The following CYP7B1 variants were observed in gnomAD, a reference collection of about 807,000 sequenced individuals.
CYP7B1 encodes cytochrome P450 7B1.
Under a neutral mutation model 42.7 loss-of-function variants are expected in CYP7B1, and 29 were observed. The observed-to-expected ratio is 0.68, with a 90% CI of 0.51 to 0.93. CYP7B1 has a LOEUF of 0.93. Ranked by LOEUF, CYP7B1 falls within the 40% of genes least tolerant of loss-of-function variation. The pLI is 0.00. For synonymous variants in CYP7B1, 235 were observed against 218.2 expected (o/e 1.08, Z -0.68); for missense variants, 655 against 600.5 (o/e 1.09, Z -0.95).
intron 4 of CYP7B1, among the ~76,000 whole-genome samples, chr8:64,605,859 C>T (rs1435779784): frequency 6.6e-5 from 10 of 152,252 alleles, no homozygotes; most frequent in African/African-American, 1.9e-4. Context: ...CACACAGACA[C>T]ACACACACAG....
In CYP7B1 at chr8:64,595,395, C is replaced by T. The variant is rs534588278; in HGVS notation, c.*1247G>A. ...CTGAAATATTAGAAGTTCCAATTAA[C>T]GAAGCATGAATTAACTGGACTTTAT... is the stretch of plus-strand genomic sequence containing the variant. On this transcript the variant is annotated 3_prime_UTR_variant, in exon 6 of 6. Coordinates refer to ENST00000310193, the MANE Select transcript of CYP7B1 (RefSeq NM_004820.5). Among the ~76,000 whole-genome samples the T allele has an allele frequency of 5.3e-5, 8 of 152,284 alleles. No individual in the cohort carries two copies. The highest frequency in any genetic ancestry group is 2.1e-4 in the South Asian group (1 of 4,830).
At chr8:64,767,492 C>G (rs117922193) in intron 1 of CYP7B1, among the ~76,000 whole-genome samples, 10 of 152,184 alleles carry the variant, frequency 6.6e-5, no homozygotes, top group African/African-American at 2.2e-4. Context: ...GGGAACCTCA[C>G]GAGGACATAG....
intron 2 of CYP7B1, among the ~76,000 whole-genome samples, chr8:64,623,505 C>T (rs1214894180): frequency 6.6e-6 from 1 of 152,152 alleles, no homozygotes; most frequent in African/African-American, 2.4e-5. Flanking sequence ...TTATTTTAAA[C>T]CATTAAACTT....
intron 1 of CYP7B1, among the ~76,000 whole-genome samples, chr8:64,791,733 A>G (rs1308317316): frequency 1.3e-5 from 2 of 152,252 alleles, no homozygotes; most frequent in Non-Finnish European, 2.9e-5. Flanking sequence ...AATTTGTTAT[A>G]GTAACATTAG....
intron 2 of CYP7B1, among the ~76,000 whole-genome samples, chr8:64,620,041 C>G (rs956674424): frequency 6.6e-6 from 1 of 151,956 alleles, no homozygotes; most frequent in South Asian, 2.1e-4. Context: ...AAAAAATTAG[C>G]CAGGTGTGGT....
chr8:64,761,579 T>C (rs565474716), intron 1 of CYP7B1, among the ~76,000 whole-genome samples: 35 of 152,264 alleles, frequency 2.3e-4, no homozygotes, highest in African/African-American at 7.7e-4. Context: ...AAGTACAGAT[T>C]TGTCACTAGG....
chr8:64,680,600 T>A (rs557460885), intron 1 of CYP7B1, among the ~76,000 whole-genome samples: 1 of 151,510 alleles, frequency 6.6e-6, no homozygotes, highest in African/African-American at 2.4e-5. Context: ...CCTTCGAAAA[T>A]TAAACACAGA....
chr8:64,645,586 T>C (rs1805938708), intron 1 of CYP7B1, among the ~76,000 whole-genome samples: 1 of 152,150 alleles, frequency 6.6e-6, no homozygotes, highest in Non-Finnish European at 1.5e-5. Flanking sequence ...TGCTCGTGGG[T>C]AGGAAGAATC....
At chr8:64,751,954 T>TC (rs751961476) in intron 1 of CYP7B1, among the ~76,000 whole-genome samples, 4 of 152,196 alleles carry the variant, frequency 2.6e-5, no homozygotes, top group Non-Finnish European at 5.9e-5. Flanking sequence ...TTATTTTTTT[T>TC]CCTTTCTTAT....
rs1379361774 is a variant in CYP7B1 at position 64,695,624 on chromosome 8, T to A, written c.123-71085A>T. On this transcript the variant is annotated intron_variant, in intron 1 of 5. Coordinates refer to ENST00000310193, the MANE Select transcript of CYP7B1 (RefSeq NM_004820.5). ...ATTCCTTTTTTTTTTTTTTTTTTTT[T>A]TTTTTAAGGAAAATAATGAACCCAG... Among the ~76,000 whole-genome samples, 28 of 141,006 alleles carry A rather than the reference T, an allele frequency of 2.0e-4. 1 individual carries two copies. The highest frequency in any genetic ancestry group is 7.3e-4 in the African/African-American group (26 of 35,598). The allele number at this position is 141,006 out of a possible 152,430, so 92.5% of individuals were successfully genotyped here. A position where few individuals can be genotyped will look rare whatever the true frequency, so the allele number is the denominator to read the frequency against.
intron 2 of CYP7B1, among the ~76,000 whole-genome samples, 189 bp downstream of exon 2, chr8:64,624,214 G>T (rs1312299954): frequency 6.6e-6 from 1 of 151,842 alleles, no homozygotes; most frequent in Non-Finnish European, 1.5e-5. Flanking sequence ...CATGAAGAGA[G>T]TTCTATAATT....
rs1356122315 is a variant in CYP7B1 at position 64,594,184 on chromosome 8, G to C, written c.*2458C>G. 1.3e-5 allele frequency among the ~76,000 whole-genome samples: 2 copies of C among 152,168 alleles called. No homozygotes were observed. Among genetic ancestry groups the C allele is most frequent in the Non-Finnish European group, 2.9e-5 (2 of 68,032 alleles). On this transcript the variant is annotated 3_prime_UTR_variant, in exon 6 of 6. Coordinates refer to ENST00000310193, the MANE Select transcript of CYP7B1 (RefSeq NM_004820.5). ...CTGAGATGGTTAGGCACAGTAGTGT[G>C]AGGATAGGTGATGGAAAAGCTTTTA...
chr8:64,663,615 C>G (rs561894053), intron 1 of CYP7B1, among the ~76,000 whole-genome samples: 7 of 152,272 alleles, frequency 4.6e-5, no homozygotes, highest in South Asian at 2.1e-4. Context: ...ACAAGGAAAC[C>G]TTTGCTAGGT....
intron 1 of CYP7B1, among the ~76,000 whole-genome samples, chr8:64,719,788 A>C (rs775409727): frequency 2.0e-5 from 3 of 152,212 alleles, no homozygotes; most frequent in Non-Finnish European, 2.9e-5. Context: ...ATTAAAATAA[A>C]CTTTCTCAAA....
At chr8:64,610,838 G>A (rs978575784) in intron 4 of CYP7B1, among the ~76,000 whole-genome samples, 3 of 152,060 alleles carry the variant, frequency 2.0e-5, no homozygotes, top group African/African-American at 4.8e-5. Flanking sequence ...ATTAAAGTTA[G>A]ATCTGGCATC....
chr8:64,658,854 T>G (rs1010826006), intron 1 of CYP7B1, among the ~76,000 whole-genome samples: 3 of 152,218 alleles, frequency 2.0e-5, no homozygotes, highest in Non-Finnish European at 4.4e-5. Flanking sequence ...TTAATCTTTC[T>G]TCGTCAATTC....
At chr8:64,641,688 G>A (rs531657652) in intron 1 of CYP7B1, among the ~76,000 whole-genome samples, 5 of 152,178 alleles carry the variant, frequency 3.3e-5, no homozygotes, top group African/African-American at 1.2e-4. Context: ...CTGTTTCTCC[G>A]GGTAAAAGCA....
chr8:64,722,745 G>GT (rs1008136202), intron 1 of CYP7B1, among the ~76,000 whole-genome samples: 1 of 101,720 alleles, frequency 9.8e-6, no homozygotes, highest in Non-Finnish European at 1.9e-5. Flanking sequence ...TTTTGCGGCG[G>GT]GGGGGGGGGG....
intron 1 of CYP7B1, among the ~76,000 whole-genome samples, chr8:64,748,849 G>T (rs1226382621): frequency 1.3e-5 from 2 of 152,160 alleles, no homozygotes; most frequent in African/African-American, 4.8e-5. Flanking sequence ...CAGGCAGAGT[G>T]CTAGGCTCAT....
Sources: gnomAD v4.1 joint callset for allele counts (sites outside exome capture counted in the v4.1 genomes callset) on GRCh38, gnomAD v4.1.1 for gene constraint, MANE v1.5 for transcripts, NCBI Gene and HGNC (gene_info 2026-07-23, HGNC 2026-07-21) for gene names.